The following ARMH3 variants were observed in gnomAD, a reference collection of about 807,000 sequenced individuals.
The protein encoded by ARMH3 is armadillo like helical domain containing 3.
ARMH3 carries 60 observed loss-of-function variants against 99.1 expected under a neutral mutation model. The observed-to-expected ratio is 0.61, with a 90% confidence interval of 0.49 to 0.75. The LOEUF (loss-of-function observed/expected upper bound fraction) is 0.75. ARMH3 is among the 30% of genes least tolerant of loss of function. The pLI is 0.00. For missense variants in ARMH3, 679 were observed against 843.1 expected (o/e 0.81, Z 2.41); for synonymous variants, 285 against 292.8 (o/e 0.97, Z 0.27).
intron 1 of ARMH3, among the ~76,000 whole-genome samples, chr10:102,047,053 A>G (rs2067572188): frequency 6.6e-6 from 1 of 152,224 alleles, no homozygotes; most frequent in African/African-American, 2.4e-5. Flanking sequence ...AGACAAATTC[A>G]CAGGAATGGC....
intron 20 of ARMH3, among the ~76,000 whole-genome samples, chr10:101,971,556 A>C (rs1252686195): frequency 6.6e-6 from 1 of 152,114 alleles, no homozygotes; most frequent in East Asian, 1.9e-4. Flanking sequence ...TTCTCAAAAA[A>C]ATAAAATAAA....
intron 19 of ARMH3, among the ~76,000 whole-genome samples, chr10:101,983,054 T>C (rs1442316136): frequency 6.6e-6 from 1 of 152,090 alleles, no homozygotes; most frequent in East Asian, 1.9e-4. Context: ...TTCAACCCTG[T>C]TTCCTGACAT....
intron 1 of ARMH3, among the ~76,000 whole-genome samples, chr10:102,042,811 G>A (rs1466609524): frequency 1.3e-5 from 2 of 152,210 alleles, no homozygotes; most frequent in East Asian, 1.9e-4. Flanking sequence ...AGTGGCTCAC[G>A]CCTGTAATCG....
intron 4 of ARMH3, among the ~76,000 whole-genome samples, chr10:102,031,075 C>T (rs956047578): frequency 1.3e-5 from 2 of 152,178 alleles, no homozygotes; most frequent in African/African-American, 2.4e-5. Context: ...TGAGCCACCA[C>T]GCCTGGCCAA....
At chr10:101,983,989 C>A (rs1480709705) in intron 19 of ARMH3, among the ~76,000 whole-genome samples, 2 of 152,042 alleles carry the variant, frequency 1.3e-5, no homozygotes, top group Non-Finnish European at 2.9e-5. Context: ...GAGCCCTAAA[C>A]CCATGGGATC....
At chr10:102,033,253 G>C in intron 3 of ARMH3, 30 bp downstream of exon 3, 1 of 1,613,710 alleles carries the variant, frequency 6.2e-7, no homozygotes, top group Non-Finnish European at 8.5e-7. Context: ...TTAGTTACCA[G>C]GAAATTCCAC....
chr10:101,995,237 G>T, intron 16 of ARMH3, 60 bp downstream of exon 16: 2 of 1,417,158 alleles, frequency 1.4e-6, no homozygotes, highest in Non-Finnish European at 2.0e-6. Flanking sequence ...GTGAGGGGAG[G>T]CAGGGAAAGA....
At chr10:101,956,551 G>C (rs754938103) in intron 22 of ARMH3, 46 bp downstream of exon 22, 3 of 1,598,118 alleles carry the variant, frequency 1.9e-6, no homozygotes, top group African/African-American at 2.7e-5. Context: ...TATGCCAAAA[G>C]CTAGACAAAT....
At chr10:101,918,059 T>C (rs1843153927) in intron 23 of ARMH3, among the ~76,000 whole-genome samples, 1 of 152,188 alleles carries the variant, frequency 6.6e-6, no homozygotes, top group African/African-American at 2.4e-5. Context: ...TTTGTTTGTT[T>C]GTTTTTTTAG....
intron 22 of ARMH3, among the ~76,000 whole-genome samples, chr10:101,943,260 G>A (rs181519974): frequency 5.3e-5 from 8 of 152,324 alleles, no homozygotes; most frequent in Admixed American, 1.3e-4. Flanking sequence ...GCATATGGAA[G>A]AAGAAACTAC....
chr10:101,912,957 T>C (rs1842928394), intron 23 of ARMH3: 1 of 152,140 alleles, frequency 6.6e-6, no homozygotes. Flanking sequence ...TATAAAAGGA[T>C]ACCAAAGACA....
chr10:102,048,841 A>C (rs2136285632), intron 1 of ARMH3, among the ~76,000 whole-genome samples: 1 of 152,290 alleles, frequency 6.6e-6, no homozygotes, highest in South Asian at 2.1e-4. Flanking sequence ...TTTTTTAAAA[A>C]ACCTTTACGC....
chr10:101,888,958 C>A (rs937088161), intron 24 of ARMH3, among the ~76,000 whole-genome samples: 11 of 152,278 alleles, frequency 7.2e-5, no homozygotes, highest in African/African-American at 2.4e-4. Flanking sequence ...TTGCTCAAGG[C>A]AAAGAGAACT....
At chr10:101,990,215 G>A (rs1484398921) in intron 19 of ARMH3, among the ~76,000 whole-genome samples, 1 of 131,108 alleles carries the variant, frequency 7.6e-6, no homozygotes, top group Non-Finnish European at 1.6e-5. Context: ...CAGAGTCTTC[G>A]CTCTGTCGCC....
At chr10:101,941,814 A>T (rs1844252914) in intron 22 of ARMH3, among the ~76,000 whole-genome samples, 1 of 152,130 alleles carries the variant, frequency 6.6e-6, no homozygotes, top group African/African-American at 2.4e-5. Context: ...TTATTGTTCA[A>T]CTCAATTGTG....
chr10:101,890,191 T>C (rs1455075771), intron 23 of ARMH3, among the ~76,000 whole-genome samples: 2 of 151,610 alleles, frequency 1.3e-5, no homozygotes, highest in Non-Finnish European at 2.9e-5. Context: ...CATATGAATA[T>C]AAATGATTCA....
intron 22 of ARMH3, 152 bp downstream of exon 22, chr10:101,956,445 C>T (rs1845040598): frequency 1.0e-6 from 1 of 977,082 alleles, no homozygotes; most frequent in Admixed American, 2.8e-5. Flanking sequence ...CCCACATGTA[C>T]CTTCCTATTG....
rs760582449 is a variant in ARMH3, at chr10:101,847,672, GGA to G, written c.1978-54_1978-53del. On this transcript the variant is annotated intron_variant, in intron 25 of 25. Coordinates refer to ENST00000370033, the MANE Select transcript of ARMH3 (RefSeq NM_024541.3). ...GGAGGGCGCAGCCAGAGAGAAAACA[GGA>G]GAGAGTCAGTTCTAAACGGCAGAGG... The G allele has an allele frequency of 3.3e-5, 51 of 1,532,720 alleles. No homozygotes were observed. In the South Asian group the frequency reaches 4.8e-4, roughly 14 times the overall value. 94.9% of individuals were successfully genotyped at this position (1,532,720 alleles called of 1,614,324 possible).
chr10:101,939,719 G>C (rs1266522816), intron 23 of ARMH3, 144 bp downstream of exon 23: 3 of 584,048 alleles, frequency 5.1e-6, no homozygotes, highest in Non-Finnish European at 8.7e-6. Context: ...TGCTTTTCTT[G>C]ATCAAGTACG....
Sources: gnomAD v4.1 joint callset for allele counts (sites outside exome capture counted in the v4.1 genomes callset) on GRCh38, gnomAD v4.1.1 for gene constraint, MANE v1.5 for transcripts, NCBI Gene and HGNC (gene_info 2026-07-23, HGNC 2026-07-21) for gene names.